Variants in PTPRC observed in about 807,000 individuals in gnomAD.
PTPRC encodes the protein receptor-type tyrosine-protein phosphatase C.
PTPRC carries 44 observed loss-of-function variants against 155.9 expected under a neutral mutation model. The observed-to-expected ratio is 0.28, with a 90% CI of 0.22 to 0.36. The LOEUF (loss-of-function observed/expected upper bound fraction) is 0.36, where lower values mean the gene tolerates loss of function less well. PTPRC is among the 10% of genes least tolerant of loss of function. The probability of loss-of-function intolerance (pLI) is 1.00; values close to 1 mark genes in which losing one functional copy is unlikely to be tolerated. For synonymous variants in PTPRC, 525 were observed against 533.1 expected (o/e 0.98, Z 0.21); for missense variants, 1,401 against 1,564.6 (o/e 0.90, Z 1.76).
chr1:198,679,553 C>A, intron 2 of PTPRC: 1 of 173,008 alleles, frequency 5.8e-6, no homozygotes, highest in South Asian at 1.2e-4. Flanking sequence ...CAGGAGTGAG[C>A]CACCTTGCCC....
At chr1:198,715,675 CTCTG>C (rs1402988680) in intron 12 of PTPRC, among the ~76,000 whole-genome samples, 1 of 151,708 alleles carries the variant, frequency 6.6e-6, no homozygotes, top group Non-Finnish European at 1.5e-5. Flanking sequence ...TGCTTAATCT[CTCTG>C]TGGCTCAGTT....
intron 14 of PTPRC, among the ~76,000 whole-genome samples, chr1:198,720,620 T>A (rs1314916038): frequency 6.6e-6 from 1 of 152,144 alleles, no homozygotes; most frequent in African/African-American, 2.4e-5. Flanking sequence ...TGAGCTACTG[T>A]GCCAGGCCTA....
At chr1:198,654,695 G>C (rs1328352459) in intron 2 of PTPRC, among the ~76,000 whole-genome samples, 1 of 151,446 alleles carries the variant, frequency 6.6e-6, no homozygotes, top group African/African-American at 2.4e-5. Context: ...AATATATTTT[G>C]TAATTTGAGA....
chr1:198,670,684 T>C (rs144486470), intron 2 of PTPRC, among the ~76,000 whole-genome samples: 4 of 152,278 alleles, frequency 2.6e-5, no homozygotes, highest in Admixed American at 1.3e-4. Flanking sequence ...TAATTCATAC[T>C]CCCTATTGCT....
chr1:198,752,124 A>G (rs1655409466), intron 29 of PTPRC, 125 bp from the exon 30 acceptor site: 2 of 1,149,720 alleles, frequency 1.7e-6, no homozygotes, highest in Non-Finnish European at 1.3e-6. Flanking sequence ...TCAATTTTAG[A>G]ACACAATAAT....
chr1:198,654,451 C>T (rs767438525), intron 2 of PTPRC, among the ~76,000 whole-genome samples: 20 of 151,710 alleles, frequency 1.3e-4, no homozygotes, highest in South Asian at 4.2e-4. Context: ...ATATGGTACA[C>T]GAAAAATTTA....
At position 198,667,306 on chromosome 1, in the gene PTPRC, T is replaced by C. The variant is rs1664374984; in HGVS notation, c.74-25041T>C. Among the ~76,000 whole-genome samples, 5 of 152,202 alleles carry C rather than the reference T, an allele frequency of 3.3e-5. No homozygotes were observed. In the South Asian group the frequency reaches 8.3e-4, roughly 25 times the overall value. On this transcript the variant is annotated intron_variant, in intron 2 of 32. Transcript: ENST00000442510. ...AATTATTCTTGTTTTCCAGCCTCTA[T>C]TGTAGCATTTAACAAGGAAGAATGG...
At chr1:198,678,099 A>G (rs1665067327) in intron 2 of PTPRC, among the ~76,000 whole-genome samples, 1 of 152,234 alleles carries the variant, frequency 6.6e-6, no homozygotes, top group African/African-American at 2.4e-5. Flanking sequence ...GTGAGTTTCA[A>G]AATTATATTG....
chr1:198,658,015 G>A (rs1355377806), intron 2 of PTPRC, among the ~76,000 whole-genome samples: 1 of 152,152 alleles, frequency 6.6e-6, no homozygotes, highest in Non-Finnish European at 1.5e-5. Flanking sequence ...CACCTTTCCA[G>A]GGGAGAGATG....
Position 198,697,016 on chromosome 1 carries a change from T to A in PTPRC, c.298+107T>A, listed in dbSNP as rs182685951. Reference sequence around the variant, plus strand: ...AAATTATTTGCACAGTTTCTAAGTATGTGATTTTATTCAAGTGCAGAAATT... The same window carrying A: ...AAATTATTTGCACAGTTTCTAAGTAAGTGATTTTATTCAAGTGCAGAAATT... On this transcript the variant is annotated intron_variant, in intron 4 of 32. Transcript: ENST00000442510. 1,501 of 1,079,002 alleles carry A rather than the reference T, an allele frequency of 1.4e-3. 9 individuals are homozygous for A. The highest frequency in any genetic ancestry group is 1.7e-3 in the Non-Finnish European group (1,207 of 701,046). The allele number at this position is 1,079,002 out of a possible 1,614,324, so 66.8% of individuals were successfully genotyped here.
intron 20 of PTPRC, 31 bp downstream of exon 20, chr1:198,732,587 T>A: frequency 6.7e-7 from 1 of 1,484,324 alleles, no homozygotes; most frequent in South Asian, 1.2e-5. Context: ...TTCTTATACC[T>A]ACATATTTCA....
At chr1:198,643,350 AT>A (rs1307483682) in intron 2 of PTPRC, among the ~76,000 whole-genome samples, 1 of 151,938 alleles carries the variant, frequency 6.6e-6, no homozygotes, top group Non-Finnish European at 1.5e-5. Context: ...GATTAAAAAA[AT>A]AAAACTGCAT....
intron 6 of PTPRC, 91 bp from the exon 7 acceptor site, chr1:198,703,197 CAAAGATGCCA>C: frequency 1.3e-6 from 2 of 1,553,550 alleles, no homozygotes; most frequent in Non-Finnish European, 1.8e-6. Flanking sequence ...ACTCCTAGAG[CAAAGATGCCA>C]ATAGGAAATT....
At chr1:198,650,096 G>A (rs1258963935) in intron 2 of PTPRC, among the ~76,000 whole-genome samples, 1 of 151,772 alleles carries the variant, frequency 6.6e-6, no homozygotes, top group Admixed American at 6.6e-5. Context: ...AAATTGGTAG[G>A]TTCGAGGCAC....
intron 2 of PTPRC, among the ~76,000 whole-genome samples, chr1:198,639,782 T>C (rs1442076715): frequency 2.0e-5 from 3 of 152,066 alleles, no homozygotes; most frequent in African/African-American, 4.8e-5. Context: ...ACTCCCTCTT[T>C]TCAGACCTGA....
At chr1:198,639,375 T>C in intron 2 of PTPRC, 34 bp downstream of exon 2, 1 of 1,495,226 alleles carries the variant, frequency 6.7e-7, no homozygotes, top group Non-Finnish European at 9.2e-7. Context: ...TTTTAAATTA[T>C]TTTTTCTCTT....
At chr1:198,650,096 G>T (rs1258963935) in intron 2 of PTPRC, among the ~76,000 whole-genome samples, 1 of 151,772 alleles carries the variant, frequency 6.6e-6, no homozygotes, top group Non-Finnish European at 1.5e-5. Context: ...AAATTGGTAG[G>T]TTCGAGGCAC....
intron 14 of PTPRC, among the ~76,000 whole-genome samples, chr1:198,721,231 T>C (rs554137891): frequency 3.0e-4 from 46 of 152,240 alleles, no homozygotes; most frequent in Non-Finnish European, 5.7e-4. Context: ...TCATTTCAGC[T>C]TTTTCACCAT....
chr1:198,733,944 T>A (rs1298279558), intron 20 of PTPRC, among the ~76,000 whole-genome samples: 1 of 151,794 alleles, frequency 6.6e-6, no homozygotes, highest in Non-Finnish European at 1.5e-5. Flanking sequence ...AAACCTAGTA[T>A]TAAAATTGTT....
Sources: gnomAD v4.1 joint callset for allele counts (sites outside exome capture counted in the v4.1 genomes callset) on GRCh38, gnomAD v4.1.1 for gene constraint, MANE v1.5 for transcripts, NCBI Gene and HGNC (gene_info 2026-07-23, HGNC 2026-07-21) for gene names.